PTCSC3: variants seen among roughly 807,000 people sequenced by gnomAD.
PTCSC3 encodes papillary thyroid carcinoma susceptibility candidate 3.
rs148229238 is a variant in PTCSC3, at chr14:36,159,527, G to A, written n.231+3097C>T. On this transcript the variant is annotated intron_variant and non_coding_transcript_variant, in intron 2 of 3. Coordinates refer to ENST00000556013, the Ensembl canonical transcript of PTCSC3. ...TTACCCAGTAGTCATTCAGGAGCAG[G>A]TTGTTCAGTTTCCATGTAGTTGTGT... Among the ~76,000 whole-genome samples the A allele has an allele frequency of 1.7e-3, 254 of 152,232 alleles. 1 individual carries two copies. Among genetic ancestry groups the A allele is most frequent in the African/African-American group, 5.9e-3 (244 of 41,538 alleles).
chr14:36,139,667 A>AAATT (rs1456849365), intron 3 of PTCSC3, among the ~76,000 whole-genome samples: 1 of 152,206 alleles, frequency 6.6e-6, no homozygotes, highest in African/African-American at 2.4e-5. Context: ...TGTGGGTTAA[A>AAATT]AATTAATAGG....
intron 3 of PTCSC3, among the ~76,000 whole-genome samples, chr14:36,145,639 GT>G (rs373503757): frequency 0.13 from 6,821 of 52,082 alleles, 719 homozygotes; most frequent in Middle Eastern, 0.2. Context: ...TTTTTGAAGG[GT>G]TTTTTTGTGT....
intron 3 of PTCSC3, among the ~76,000 whole-genome samples, chr14:36,144,973 C>T (rs1881524656): frequency 1.9e-5 from 1 of 53,180 alleles, no homozygotes; most frequent in African/African-American, 6.0e-5. Context: ...TATTGATTTG[C>T]ATATATTGAA....
chr14:36,163,324 TC>T (rs1882011634), intron 1 of PTCSC3, among the ~76,000 whole-genome samples: 1 of 151,890 alleles, frequency 6.6e-6, no homozygotes, highest in South Asian at 2.1e-4. Context: ...TTCTCTGCAC[TC>T]CCCCAAGGTA....
intron 3 of PTCSC3, among the ~76,000 whole-genome samples, chr14:36,143,354 C>G (rs1383774883): frequency 8.8e-6 from 1 of 114,136 alleles, no homozygotes; most frequent in East Asian, 2.4e-4. Flanking sequence ...GCCATTCTAA[C>G]TGGTGTGAGA....
At chr14:36,156,393 A>G (rs1169136) in intron 2 of PTCSC3, among the ~76,000 whole-genome samples, 93,143 of 152,070 alleles carry the variant, frequency 0.61, 29,404 homozygotes, top group Middle Eastern at 0.69. Context: ...TGTCACCAAA[A>G]AGAATAAAAT....
At chr14:36,142,817 C>A (rs377139568) in intron 3 of PTCSC3, among the ~76,000 whole-genome samples, 1 of 124,682 alleles carries the variant, frequency 8.0e-6, no homozygotes, top group Non-Finnish European at 1.6e-5. Context: ...CTCCCCCCAC[C>A]CCACAACAGT....
intron 1 of PTCSC3, among the ~76,000 whole-genome samples, chr14:36,163,545 G>A (rs1160474030): frequency 2.0e-5 from 3 of 152,130 alleles, no homozygotes; most frequent in Non-Finnish European, 2.9e-5. Context: ...TAGAATATAA[G>A]TGGACTAACT....
intron 3 of PTCSC3, among the ~76,000 whole-genome samples, chr14:36,137,027 T>C (rs1269179793): frequency 6.6e-6 from 1 of 151,152 alleles, no homozygotes; most frequent in Non-Finnish European, 1.5e-5. Context: ...ACATGCAGTG[T>C]TTCTTTTTTC....
At chr14:36,167,362 G>A (rs148907703) in intron 1 of PTCSC3, among the ~76,000 whole-genome samples, 14 of 152,146 alleles carry the variant, frequency 9.2e-5, no homozygotes, top group African/African-American at 3.1e-4. Flanking sequence ...TTCTAGAGAT[G>A]CCATGGTTAT....
At chr14:36,158,280 C>T (rs1249785746) in intron 2 of PTCSC3, among the ~76,000 whole-genome samples, 1 of 152,078 alleles carries the variant, frequency 6.6e-6, no homozygotes, top group African/African-American at 2.4e-5. Context: ...GCCAGAAGTT[C>T]CAATATTATG....
At chr14:36,140,550 G>A (rs1008481899) in intron 3 of PTCSC3, among the ~76,000 whole-genome samples, 1 of 152,176 alleles carries the variant, frequency 6.6e-6, no homozygotes, top group Non-Finnish European at 1.5e-5. Context: ...TCCATGTGCA[G>A]TAGTACCTCA....
In PTCSC3 at chr14:36,163,877, C is replaced by A. The variant is rs1882029606; in HGVS notation, n.172-1194G>T. On this transcript the variant is annotated intron_variant and non_coding_transcript_variant, in intron 1 of 3. Coordinates refer to ENST00000556013, the Ensembl canonical transcript of PTCSC3. ...AGGTAAGATTAAGTATTGTTTAAAT[C>A]ATGGAACCAAGACCTATAGTCAGAC... Among the ~76,000 whole-genome samples, 3 of 152,242 alleles carry A rather than the reference C, an allele frequency of 2.0e-5. No individual in the cohort carries two copies. The South Asian group carries it at 6.2e-4, about 32-fold the overall frequency.
chr14:36,163,724 A>C (rs1254645935), intron 1 of PTCSC3, among the ~76,000 whole-genome samples: 1 of 152,190 alleles, frequency 6.6e-6, no homozygotes, highest in Non-Finnish European at 1.5e-5. Flanking sequence ...CAAGGTCAAG[A>C]AATGTTTCTT....
chr14:36,140,243 GA>G (rs1473013764), intron 3 of PTCSC3, among the ~76,000 whole-genome samples: 25 of 152,150 alleles, frequency 1.6e-4, no homozygotes, highest in African/African-American at 6.0e-4. Flanking sequence ...TCTATTGAGG[GA>G]CATCTTAGTT....
At chr14:36,161,013 C>G (rs1225324263) in intron 2 of PTCSC3, among the ~76,000 whole-genome samples, 1 of 151,938 alleles carries the variant, frequency 6.6e-6, no homozygotes, top group African/African-American at 2.4e-5. Flanking sequence ...CTTGATTCAG[C>G]TATTGATACT....
At chr14:36,163,055 G>A (rs1882002942) in intron 1 of PTCSC3, among the ~76,000 whole-genome samples, 2 of 151,546 alleles carry the variant, frequency 1.3e-5, no homozygotes, top group African/African-American at 4.8e-5. Flanking sequence ...TCTGAAGCAA[G>A]AGTACTTGTC....
chr14:36,155,086 A>T (rs959238236), intron 2 of PTCSC3, among the ~76,000 whole-genome samples: 2 of 152,176 alleles, frequency 1.3e-5, no homozygotes, highest in Admixed American at 1.3e-4. Flanking sequence ...AAAAGGCACA[A>T]CTTCTTGCAA....
chr14:36,148,653 C>A (rs138216585), intron 3 of PTCSC3, among the ~76,000 whole-genome samples: 5 of 152,136 alleles, frequency 3.3e-5, no homozygotes, highest in African/African-American at 7.2e-5. Flanking sequence ...AGCTGTAGAC[C>A]GGAGCTGTTC....
Sources: gnomAD v4.1 joint callset for allele counts (sites outside exome capture counted in the v4.1 genomes callset) on GRCh38, gnomAD v4.1.1 for gene constraint, MANE v1.5 for transcripts, NCBI Gene and HGNC (gene_info 2026-07-23, HGNC 2026-07-21) for gene names.